GRM5: variants seen among roughly 807,000 people sequenced by gnomAD.
GRM5 encodes metabotropic glutamate receptor 5.
Under a neutral mutation model 83.1 loss-of-function variants are expected in GRM5, and 19 were observed. That is an observed-to-expected ratio of 0.23 (90% CI 0.16 to 0.34). GRM5 has a LOEUF of 0.34. GRM5 is among the 10% of genes least tolerant of loss of function. The pLI is 1.00. For missense variants in GRM5, 1,160 were observed against 1,588.3 expected (o/e 0.73, Z 4.58); for synonymous variants, 675 against 633.6 (o/e 1.07, Z -0.98).
intron 2 of GRM5, among the ~76,000 whole-genome samples, chr11:88,924,143 A>AAAAAT (rs386374435): frequency 9.0e-4 from 137 of 151,764 alleles, no homozygotes; most frequent in African/African-American, 2.6e-3. Flanking sequence ...TCAAAAAAAA[A>AAAAAT]AAATAAGAAA....
At chr11:88,951,769 T>C (rs1400259455) in intron 2 of GRM5, among the ~76,000 whole-genome samples, 1 of 152,230 alleles carries the variant, frequency 6.6e-6, no homozygotes, top group Admixed American at 6.5e-5. Context: ...TTGGCACATA[T>C]TAAGTGCATA....
At chr11:88,881,760 T>C (rs1339496482) in intron 2 of GRM5, among the ~76,000 whole-genome samples, 1 of 152,198 alleles carries the variant, frequency 6.6e-6, no homozygotes, top group African/African-American at 2.4e-5. Context: ...CTTTCAGGTT[T>C]TGTGAAACAC....
chr11:88,859,065 CTG>C (rs1251207819), intron 2 of GRM5, among the ~76,000 whole-genome samples: 1 of 151,900 alleles, frequency 6.6e-6, no homozygotes, highest in East Asian at 1.9e-4. Context: ...GGAAAAGAAA[CTG>C]TTTTTACACT....
chr11:88,639,300 CCT>C (rs1439186942), intron 4 of GRM5, among the ~76,000 whole-genome samples: 1 of 152,116 alleles, frequency 6.6e-6, no homozygotes, highest in Non-Finnish European at 1.5e-5. Flanking sequence ...GCAGTTCTCT[CCT>C]CTCTGATTCT....
intron 2 of GRM5, among the ~76,000 whole-genome samples, chr11:89,034,655 G>A (rs1349323076): frequency 3.3e-5 from 5 of 151,734 alleles, no homozygotes; most frequent in African/African-American, 1.2e-4. Flanking sequence ...TTTATTTGTG[G>A]TAGTATCACA....
intron 2 of GRM5, among the ~76,000 whole-genome samples, chr11:88,868,072 A>G (rs188574105): frequency 2.5e-4 from 38 of 152,016 alleles, no homozygotes; most frequent in South Asian, 8.3e-4. Flanking sequence ...TAGATACATG[A>G]CCTTAGACAA....
At chr11:88,722,179 T>C (rs747181528) in intron 3 of GRM5, among the ~76,000 whole-genome samples, 1 of 152,138 alleles carries the variant, frequency 6.6e-6, no homozygotes, top group Non-Finnish European at 1.5e-5. Flanking sequence ...CCTGCAACCA[T>C]ATTTGGCATT....
At chr11:88,693,123 AC>A (rs1245853755) in intron 3 of GRM5, among the ~76,000 whole-genome samples, 2 of 150,586 alleles carry the variant, frequency 1.3e-5, no homozygotes, top group Non-Finnish European at 2.9e-5. Context: ...ATTACATAGC[AC>A]AGAAACAATT....
chr11:89,026,228 G>A (rs1166521416), intron 2 of GRM5, among the ~76,000 whole-genome samples: 1 of 152,126 alleles, frequency 6.6e-6, no homozygotes, highest in African/African-American at 2.4e-5. Context: ...CATTACACAG[G>A]TGACAAAATA....
chr11:88,656,258 A>G (rs1939766372), intron 3 of GRM5, among the ~76,000 whole-genome samples: 1 of 152,136 alleles, frequency 6.6e-6, no homozygotes, highest in African/African-American at 2.4e-5. Flanking sequence ...TTTATTATTT[A>G]TCCATCCATC....
chr11:88,877,829 G>GAAAA (rs60787581), intron 2 of GRM5, among the ~76,000 whole-genome samples: 4,306 of 136,976 alleles, frequency 0.031, 110 homozygotes, highest in Non-Finnish European at 0.049. Flanking sequence ...CTCTGTGGAA[G>GAAAA]AAAAAAAAAA....
At chr11:88,739,911 C>T (rs1336256924) in intron 3 of GRM5, among the ~76,000 whole-genome samples, 1 of 151,956 alleles carries the variant, frequency 6.6e-6, no homozygotes, top group African/African-American at 2.4e-5. Flanking sequence ...TTGGTTTGTT[C>T]CATATTACTC....
At chr11:88,554,062 A>G (rs1184727140) in intron 8 of GRM5, among the ~76,000 whole-genome samples, 1 of 152,160 alleles carries the variant, frequency 6.6e-6, no homozygotes, top group Non-Finnish European at 1.5e-5. Flanking sequence ...AAGAAATTTA[A>G]TATCTTACAG....
At chr11:88,799,146 T>A (rs1943341492) in intron 3 of GRM5, among the ~76,000 whole-genome samples, 1 of 152,114 alleles carries the variant, frequency 6.6e-6, no homozygotes, top group African/African-American at 2.4e-5. Context: ...CTTTTAGAAA[T>A]TTCTCTTAAA....
Position 88,659,888 on chromosome 11 carries a change from T to TTTTTC in GRM5, c.912-6486_912-6485insGAAAA, listed in dbSNP as rs1565175484. On this transcript the variant is annotated intron_variant, in intron 3 of 9. Transcript: ENST00000305447. ...TCCATAAAATGCAGACAATATAATT[T>TTTTTC]TTTCTTTCTTCATTTCCTATCCATA... Among the ~76,000 whole-genome samples, 9 of 151,974 alleles carry TTTTTC rather than the reference T, an allele frequency of 5.9e-5. No homozygotes were observed. The South Asian group carries it at 1.9e-3, about 32-fold the overall frequency.
chr11:88,570,566 TA>T (rs1942969036), intron 7 of GRM5, among the ~76,000 whole-genome samples: 6 of 81,696 alleles, frequency 7.3e-5, no homozygotes, highest in African/African-American at 2.4e-4. Flanking sequence ...TATATATATA[TA>T]TATATTTTTT....
Position 88,653,244 on chromosome 11 carries a change from T to C in GRM5, c.1071A>G (p.Glu357=), listed in dbSNP as rs1732806535. ...ETNHRNPWFQ[E]FWQHRFQCRL... is the part of the protein sequence containing the mutation. ...GGCACTGAAAACGATGCTGCCAAAATTCTTGAAACCAAGGGTTTCGGTGGT... is the reference window on the plus strand; with the variant it reads ...GGCACTGAAAACGATGCTGCCAAAACTCTTGAAACCAAGGGTTTCGGTGGT... The change falls in exon 4 of 10, where the codon GAA becomes GAG. Residue 357 remains glutamate (E), a synonymous_variant. Coordinates refer to ENST00000305447, the MANE Select transcript of GRM5 (RefSeq NM_001143831.3). The C allele has an allele frequency of 6.2e-7, 1 of 1,613,248 alleles. No individual in the cohort carries two copies. Among genetic ancestry groups the C allele is most frequent in the Non-Finnish European group, 8.5e-7 (1 of 1,179,460 alleles).
intron 3 of GRM5, among the ~76,000 whole-genome samples, chr11:88,669,804 G>A (rs1042020187): frequency 6.6e-6 from 1 of 151,944 alleles, no homozygotes; most frequent in Non-Finnish European, 1.5e-5. Flanking sequence ...GAGTTATACT[G>A]TATTCATAAA....
intron 2 of GRM5, among the ~76,000 whole-genome samples, chr11:88,967,644 C>G (rs1260763116): frequency 2.6e-5 from 4 of 151,984 alleles, no homozygotes; most frequent in African/African-American, 9.7e-5. Flanking sequence ...TTTAAAGGTC[C>G]TACCTATCAA....
Sources: allele counts gnomAD v4.1 joint callset (sites outside exome capture counted in the v4.1 genomes callset), GRCh38; gene constraint gnomAD v4.1.1; transcripts MANE v1.5; gene names NCBI Gene and HGNC (gene_info 2026-07-23, HGNC 2026-07-21).